The following KIF27 variants were observed in gnomAD, a reference collection of about 807,000 sequenced individuals.
KIF27 encodes kinesin family member 27.
Under a neutral mutation model 141.8 loss-of-function variants are expected in KIF27, and 84 were observed. The ratio of observed to expected loss-of-function variants is 0.59; its 90% CI spans 0.50 to 0.71. KIF27 has a LOEUF of 0.71. KIF27 is among the 30% of genes least tolerant of loss of function. The pLI is 0.00. For missense variants in KIF27, 1,306 were observed against 1,628.4 expected (o/e 0.80, Z 3.41); for synonymous variants, 471 against 569.5 (o/e 0.83, Z 2.46).
chr9:83,895,053 C>T (rs1188544496), intron 5 of KIF27, among the ~76,000 whole-genome samples: 3 of 150,412 alleles, frequency 2.0e-5, no homozygotes, highest in Non-Finnish European at 4.4e-5. Context: ...AGACCAAGAC[C>T]ATCCTGGCTA....
chr9:83,840,169 A>G (rs1480892046), intron 17 of KIF27, among the ~76,000 whole-genome samples: 4 of 152,234 alleles, frequency 2.6e-5, no homozygotes, highest in African/African-American at 9.6e-5. Context: ...TTGCAACTGT[A>G]TATTTTAAAG....
In KIF27 at chr9:83,919,030, C is replaced by T. The variant is rs142332091; in HGVS notation, c.-88+2341G>A. On this transcript the variant is annotated intron_variant, in intron 1 of 17. Transcript: ENST00000297814. ...GGCAGAGGTTGCAGTGAGCTGAGAT[C>T]GAACCACTGCACTCCATCCTGGGCG... Among the ~76,000 whole-genome samples the T allele has an allele frequency of 6.2e-3, 948 of 152,092 alleles. 8 individuals carry two copies. The highest frequency in any genetic ancestry group is 0.021 in the African/African-American group (858 of 41,478).
chr9:83,848,155 CATATA>C (rs1947731992), intron 16 of KIF27, among the ~76,000 whole-genome samples: 1 of 45,704 alleles, frequency 2.2e-5, no homozygotes, highest in African/African-American at 1.3e-4. Context: ...TCTGATATAT[CATATA>C]TGATATATCT....
Position 83,903,222 on chromosome 9 carries a change from G to T in KIF27, c.1296C>A (p.Asn432Lys), listed in dbSNP as rs569987566. The change falls in exon 4 of 18, where the codon AAC (asparagine) becomes AAA (lysine). Residue 432 changes from asparagine (N) to lysine (K), a missense_variant. Physicochemically the swap from Asn to Lys is moderately conservative, Grantham distance 94. This residue lies in a region of KIF27 where 533 missense variants were observed against 565.6 expected (regional missense o/e 0.94). Coordinates refer to ENST00000297814, the MANE Select transcript of KIF27 (RefSeq NM_017576.4). ...LVDLKDTVRL[N>K]EKQQHKLQEW... ...CCTGCAGTTTGTGTTGCTGCTTTTC[G>T]TTTAGTCTGACAGTATCTTTTAGGT... The T allele has an allele frequency of 6.2e-7, 1 of 1,613,944 alleles. No individual in the cohort carries two copies. Among genetic ancestry groups the T allele is most frequent in the East Asian group, 2.2e-5 (1 of 44,888 alleles).
At chr9:83,885,949 G>GTT (rs371251143) in intron 9 of KIF27, among the ~76,000 whole-genome samples, 2,785 of 146,862 alleles carry the variant, frequency 0.019, 90 homozygotes, top group African/African-American at 0.063. Context: ...TTTTTGTGTT[G>GTT]TTTTTTTTTT....
At chr9:83,896,943 A>C (rs1484482685) in intron 5 of KIF27, among the ~76,000 whole-genome samples, 2 of 152,168 alleles carry the variant, frequency 1.3e-5, no homozygotes, top group Non-Finnish European at 2.9e-5. Context: ...AGTGACTGCT[A>C]GTGGATACAA....
At chr9:83,902,303 C>T (rs1588254947) in intron 4 of KIF27, among the ~76,000 whole-genome samples, 2 of 152,114 alleles carry the variant, frequency 1.3e-5, no homozygotes, top group Non-Finnish European at 2.9e-5. Context: ...ACCATGGAAG[C>T]TGGGAACCAT....
chr9:83,861,092 C>A (rs1949854326), intron 13 of KIF27, among the ~76,000 whole-genome samples: 1 of 151,762 alleles, frequency 6.6e-6, no homozygotes, highest in Non-Finnish European at 1.5e-5. Flanking sequence ...GCTTTCAGGA[C>A]CTTCTTTTTT....
intron 13 of KIF27, among the ~76,000 whole-genome samples, chr9:83,865,178 AAT>A (rs1237431685): frequency 6.6e-6 from 1 of 152,092 alleles, no homozygotes; most frequent in Non-Finnish European, 1.5e-5. Flanking sequence ...ATCTTTCTGG[AAT>A]TCCCATTACT....
At chr9:83,879,401 G>A (rs1377027521) in intron 11 of KIF27, among the ~76,000 whole-genome samples, 1 of 150,780 alleles carries the variant, frequency 6.6e-6, no homozygotes, top group African/African-American at 2.4e-5. Context: ...AACAGGAGAG[G>A]CTAAACATGT....
At chr9:83,874,172 C>T (rs538713243) in intron 11 of KIF27, among the ~76,000 whole-genome samples, 18 of 152,162 alleles carry the variant, frequency 1.2e-4, no homozygotes, top group Non-Finnish European at 2.2e-4. Flanking sequence ...GTACCAGGCA[C>T]TGTGCTAGAC....
chr9:83,879,927 A>G (rs1045641234), intron 11 of KIF27, among the ~76,000 whole-genome samples: 31 of 152,332 alleles, frequency 2.0e-4, no homozygotes, highest in African/African-American at 7.5e-4. Context: ...TTTTCTGTGT[A>G]GCCACATGGA....
intron 10 of KIF27, among the ~76,000 whole-genome samples, chr9:83,883,037 T>C (rs1951808440): frequency 6.6e-6 from 1 of 151,978 alleles, no homozygotes; most frequent in Non-Finnish European, 1.5e-5. Flanking sequence ...ATTGTAAACA[T>C]CTATTTTGTT....
intron 13 of KIF27, chr9:83,859,717 G>A (rs1949676168): frequency 4.3e-6 from 1 of 233,160 alleles, no homozygotes; most frequent in Non-Finnish European, 8.4e-6. Flanking sequence ...ATTTTTAGTA[G>A]AGACAGGGTT....
intron 1 of KIF27, among the ~76,000 whole-genome samples, chr9:83,917,301 T>C (rs1955798954): frequency 6.6e-6 from 1 of 152,158 alleles, no homozygotes; most frequent in African/African-American, 2.4e-5. Context: ...CTGAAAACTA[T>C]AAAATACTGT....
At position 83,853,839 on chromosome 9, in the gene KIF27, GA is replaced by G; in HGVS notation, c.3151-5del. Reference sequence around the variant, plus strand: ...GTTGGAAAAGAACATGTTCTTCCTAGATATAACAGAAATCACTCATTTTAAA... The same window carrying G: ...GTTGGAAAAGAACATGTTCTTCCTAGTATAACAGAAATCACTCATTTTAAA... On this transcript the variant is annotated splice_region_variant and splice_polypyrimidine_tract_variant and intron_variant, in intron 14 of 17. Coordinates refer to ENST00000297814, the MANE Select transcript of KIF27 (RefSeq NM_017576.4). The G allele has an allele frequency of 1.3e-6, 2 of 1,577,144 alleles. No individual in the cohort carries two copies. Among genetic ancestry groups the G allele is most frequent in the Non-Finnish European group, 1.7e-6 (2 of 1,146,916 alleles).
chr9:83,902,486 C>T (rs549069113), intron 4 of KIF27, among the ~76,000 whole-genome samples: 1 of 152,288 alleles, frequency 6.6e-6, no homozygotes, highest in African/African-American at 2.4e-5. Context: ...GAACTCAATA[C>T]ACGTACATGT....
chr9:83,840,398 G>C (rs1384942454), intron 17 of KIF27, among the ~76,000 whole-genome samples: 2 of 152,136 alleles, frequency 1.3e-5, no homozygotes, highest in Non-Finnish European at 2.9e-5. Context: ...GGTCAGAACA[G>C]TGTTGTTCTC....
chr9:83,912,701 C>T (rs947156477), intron 2 of KIF27, among the ~76,000 whole-genome samples: 57 of 151,780 alleles, frequency 3.8e-4, no homozygotes, highest in African/African-American at 1.4e-3. Flanking sequence ...AAACCATTTC[C>T]AAAAGAAAAC....
Sources: allele counts gnomAD v4.1 joint callset (sites outside exome capture counted in the v4.1 genomes callset), GRCh38; gene constraint gnomAD v4.1.1; regional missense constraint gnomAD v4.1.1; transcripts MANE v1.5; gene names NCBI Gene and HGNC (gene_info 2026-07-23, HGNC 2026-07-21).